Variants in SNAPC1 observed in about 807,000 individuals in gnomAD.
SNAPC1 encodes snRNA-activating protein complex subunit 1.
SNAPC1 carries 42 observed loss-of-function variants against 50.1 expected under a neutral mutation model. The ratio of observed to expected loss-of-function variants is 0.84; its 90% CI spans 0.65 to 1.08. The LOEUF (loss-of-function observed/expected upper bound fraction) is 1.08, where lower values mean the gene tolerates loss of function less well. Among genes scored for constraint, SNAPC1 ranks in the 50% least tolerant of loss-of-function variants. The probability of loss-of-function intolerance (pLI) is 0.00; values close to 1 mark genes in which losing one functional copy is unlikely to be tolerated. For missense variants in SNAPC1, 477 were observed against 427.3 expected (o/e 1.12, Z -1.02); for synonymous variants, 164 against 144.2 (o/e 1.14, Z -0.98).
Position 61,792,841 on chromosome 14 carries a change from T to G in SNAPC1, c.1011T>G (p.Pro337=). 1 of 1,599,614 alleles carries G rather than the reference T, an allele frequency of 6.3e-7. No homozygotes were observed. The highest frequency in any genetic ancestry group is 8.5e-7 in the Non-Finnish European group (1 of 1,169,840). ...AGAATATACACAAGGAAGATAAACCTTTAAGTCTGAGTATGCCTGTAATTA... is the reference window on the plus strand; with the variant it reads ...AGAATATACACAAGGAAGATAAACCGTTAAGTCTGAGTATGCCTGTAATTA... ...NVQNIHKEDK[P]LSLSMPVITE... Residue 337 remains proline, a synonymous_variant, in exon 9 of 10, where the codon CCT becomes CCG. Transcript: ENST00000216294.
chr14:61,782,514 G>C, intron 8 of SNAPC1, 117 bp downstream of exon 8: 2 of 699,218 alleles, frequency 2.9e-6, no homozygotes, highest in Non-Finnish European at 4.5e-6. Context: ...GAACATTTTT[G>C]TGAGATTTAA....
chr14:61,783,459 G>A (rs1260606171), intron 8 of SNAPC1, among the ~76,000 whole-genome samples: 3 of 149,696 alleles, frequency 2.0e-5, no homozygotes, highest in Admixed American at 6.7e-5. Flanking sequence ...TCTTTGACAC[G>A]GTGTATCTGT....
At chr14:61,788,382 A>G (rs77913719) in intron 8 of SNAPC1, among the ~76,000 whole-genome samples, 254 of 152,320 alleles carry the variant, frequency 1.7e-3, no homozygotes, top group African/African-American at 5.9e-3. Context: ...TTGATTTTAC[A>G]GTTTTTCAAA....
At chr14:61,770,366 C>T (rs1265915107) in intron 4 of SNAPC1, among the ~76,000 whole-genome samples, 1 of 151,808 alleles carries the variant, frequency 6.6e-6, no homozygotes, top group Non-Finnish European at 1.5e-5. Flanking sequence ...TCTCAACCCA[C>T]TGAGTAGCTG....
At chr14:61,771,271 T>G (rs1263573712) in intron 4 of SNAPC1, among the ~76,000 whole-genome samples, 1 of 152,236 alleles carries the variant, frequency 6.6e-6, no homozygotes, top group Non-Finnish European at 1.5e-5. Flanking sequence ...AATTATTATT[T>G]TTAAAAATAG....
intron 1 of SNAPC1, among the ~76,000 whole-genome samples, chr14:61,763,723 A>G (rs547657841): frequency 2.0e-5 from 3 of 152,136 alleles, no homozygotes; most frequent in Admixed American, 6.5e-5. Context: ...TTGTAATGGT[A>G]TAGTTGAAAA....
At chr14:61,765,372 C>T (rs945211029) in intron 1 of SNAPC1, among the ~76,000 whole-genome samples, 3 of 152,144 alleles carry the variant, frequency 2.0e-5, no homozygotes, top group South Asian at 2.1e-4. Context: ...CTCAGGAAGT[C>T]GTGTTGACAT....
chr14:61,785,059 A>C (rs1313592428), intron 8 of SNAPC1, among the ~76,000 whole-genome samples: 1 of 152,268 alleles, frequency 6.6e-6, no homozygotes, highest in Admixed American at 6.5e-5. Flanking sequence ...AAATAATTTT[A>C]TGCCAGTAAG....
chr14:61,790,602 G>A (rs2045145158), intron 8 of SNAPC1, among the ~76,000 whole-genome samples: 1 of 152,210 alleles, frequency 6.6e-6, no homozygotes, highest in African/African-American at 2.4e-5. Flanking sequence ...CTCCTAAAGT[G>A]CTGAGATTAC....
intron 4 of SNAPC1, among the ~76,000 whole-genome samples, chr14:61,775,385 A>T (rs773661457): frequency 6.6e-6 from 1 of 151,680 alleles, no homozygotes; most frequent in Non-Finnish European, 1.5e-5. Context: ...CCTCCCAGGT[A>T]GCTGGGATTA....
intron 5 of SNAPC1, among the ~76,000 whole-genome samples, chr14:61,776,675 A>G (rs1566590022): frequency 1.3e-5 from 2 of 152,222 alleles, no homozygotes; most frequent in South Asian, 4.1e-4. Context: ...CTAAAATTCT[A>G]GACATACAAC....
chr14:61,787,909 G>GAGCT (rs1266265340), intron 8 of SNAPC1, among the ~76,000 whole-genome samples: 1 of 152,132 alleles, frequency 6.6e-6, no homozygotes, highest in Non-Finnish European at 1.5e-5. Flanking sequence ...GCAACGTGAT[G>GAGCT]AGCTGGCCAA....
At chr14:61,778,704 T>TCAATGTATACC (rs1404983220) in intron 6 of SNAPC1, 144 bp from the exon 7 acceptor site, 1 of 630,440 alleles carries the variant, frequency 1.6e-6, no homozygotes, top group Non-Finnish European at 2.8e-6. Context: ...GTGTGTGTAC[T>TCAATGTATACC]CAATGTATAC....
intron 9 of SNAPC1, 25 bp from the exon 10 acceptor site, chr14:61,794,924 T>C (rs773177799): frequency 7.3e-5 from 113 of 1,543,634 alleles, no homozygotes; most frequent in Non-Finnish European, 1.0e-4. Flanking sequence ...TAGATCTGAC[T>C]GACTTTTAAA....
intron 8 of SNAPC1, among the ~76,000 whole-genome samples, chr14:61,788,214 G>T (rs1000730038): frequency 3.9e-5 from 6 of 152,166 alleles, no homozygotes; most frequent in Non-Finnish European, 7.3e-5. Context: ...TATAAAATGT[G>T]ATCTGAATTC....
At chr14:61,792,273 G>T (rs939758238) in intron 8 of SNAPC1, among the ~76,000 whole-genome samples, 1 of 152,156 alleles carries the variant, frequency 6.6e-6, no homozygotes, top group African/African-American at 2.4e-5. Flanking sequence ...ATTTGGTTGG[G>T]ATACTTCTTC....
At chr14:61,791,718 A>G (rs1327951425) in intron 8 of SNAPC1, among the ~76,000 whole-genome samples, 1 of 152,108 alleles carries the variant, frequency 6.6e-6, no homozygotes, top group African/African-American at 2.4e-5. Context: ...GCGTGATGGC[A>G]TTCACCTGTA....
chr14:61,766,733 C>A (rs2044950925), intron 1 of SNAPC1, 143 bp from the exon 2 acceptor site: 1 of 475,384 alleles, frequency 2.1e-6, no homozygotes, highest in South Asian at 5.3e-5. Flanking sequence ...GTAAAATTAT[C>A]TCTTTGTGCT....
At chr14:61,791,113 G>A (rs2045149429) in intron 8 of SNAPC1, among the ~76,000 whole-genome samples, 4 of 152,144 alleles carry the variant, frequency 2.6e-5, no homozygotes, top group African/African-American at 9.7e-5. Context: ...CTGGGTTCAA[G>A]CAATTCTCCT....
Sources: allele counts gnomAD v4.1 joint callset (sites outside exome capture counted in the v4.1 genomes callset), GRCh38; gene constraint gnomAD v4.1.1; transcripts MANE v1.5; gene names NCBI Gene and HGNC (gene_info 2026-07-23, HGNC 2026-07-21).